Variants in CAMKMT observed in about 807,000 individuals in gnomAD.
CAMKMT encodes the protein calmodulin-lysine N-methyltransferase, also known as CaM KMT.
Under a neutral mutation model 48.0 loss-of-function variants are expected in CAMKMT, and 53 were observed. The observed-to-expected ratio is 1.10, with a 90% confidence interval of 0.89 to 1.39. The LOEUF (loss-of-function observed/expected upper bound fraction) is 1.39. Among genes scored for constraint, CAMKMT ranks in the 40% most tolerant of loss-of-function variants. The probability of loss-of-function intolerance (pLI) is 0.00; values close to 1 mark genes in which losing one functional copy is unlikely to be tolerated. For missense variants in CAMKMT, 428 were observed against 402.7 expected (o/e 1.06, Z -0.54); for synonymous variants, 165 against 152.3 (o/e 1.08, Z -0.61).
At chr2:44,509,516 G>A (rs1416763012) in intron 3 of CAMKMT, among the ~76,000 whole-genome samples, 1 of 152,030 alleles carries the variant, frequency 6.6e-6, no homozygotes, top group Non-Finnish European at 1.5e-5. Flanking sequence ...TCACCATGTT[G>A]CCCAGGCTGG....
At chr2:44,437,614 G>C (rs984271081) in intron 3 of CAMKMT, among the ~76,000 whole-genome samples, 2 of 152,136 alleles carry the variant, frequency 1.3e-5, no homozygotes, top group Non-Finnish European at 2.9e-5. Flanking sequence ...TTGGGAGGCT[G>C]AGGTGGTTGG....
intron 7 of CAMKMT, among the ~76,000 whole-genome samples, chr2:44,725,860 A>C (rs1027712492): frequency 6.7e-6 from 1 of 149,928 alleles, no homozygotes; most frequent in African/African-American, 2.4e-5. Flanking sequence ...TTCAACTTTT[A>C]TTTAAGATAC....
chr2:44,447,655 G>A (rs1667075665), intron 3 of CAMKMT, among the ~76,000 whole-genome samples: 1 of 152,254 alleles, frequency 6.6e-6, no homozygotes, highest in Middle Eastern at 3.2e-3. Context: ...AAAGGGCACA[G>A]TAACCCATGT....
At chr2:44,741,061 G>C (rs981315244) in intron 7 of CAMKMT, among the ~76,000 whole-genome samples, 4 of 152,214 alleles carry the variant, frequency 2.6e-5, no homozygotes, top group African/African-American at 9.6e-5. Context: ...AAGGAGATAA[G>C]TTCAGAAATT....
chr2:44,533,322 T>G (rs946297070), intron 3 of CAMKMT, among the ~76,000 whole-genome samples: 3 of 151,498 alleles, frequency 2.0e-5, no homozygotes, highest in Non-Finnish European at 4.4e-5. Flanking sequence ...CACTGCAACC[T>G]CTGCCTCCTT....
intron 3 of CAMKMT, among the ~76,000 whole-genome samples, chr2:44,473,663 A>T (rs1668535804): frequency 6.6e-6 from 1 of 152,218 alleles, no homozygotes; most frequent in Non-Finnish European, 1.5e-5. Flanking sequence ...AAAATATAAA[A>T]ACAATCCTCT....
intron 3 of CAMKMT, among the ~76,000 whole-genome samples, chr2:44,695,883 C>T (rs1676916533): frequency 6.6e-6 from 1 of 151,750 alleles, no homozygotes; most frequent in South Asian, 2.1e-4. Context: ...GAGGATTCAG[C>T]CAACCTCTGA....
rs191306187 is a variant in CAMKMT, at chr2:44,715,283, G to A, written c.557-4G>A. 3.5e-5 allele frequency: 56 copies of A among 1,607,478 alleles called. No homozygotes were observed. The highest frequency in any genetic ancestry group is 4.5e-5 in the East Asian group (2 of 44,646). On this transcript the variant is annotated splice_region_variant and splice_polypyrimidine_tract_variant and intron_variant, in intron 6 of 10. Transcript: ENST00000378494. ...GCAGATGTTTTCTTAACTGTGTCCTGTAGATGTGCAAGACATCATCACAAG... is the reference window on the plus strand; with the variant it reads ...GCAGATGTTTTCTTAACTGTGTCCTATAGATGTGCAAGACATCATCACAAG...
rs1670184451 is a variant in CAMKMT at position 44,590,378 on chromosome 2, G to T, written c.377-113905G>T. On this transcript the variant is annotated intron_variant, in intron 3 of 10. Coordinates refer to ENST00000378494, the MANE Select transcript of CAMKMT (RefSeq NM_024766.5). The stretch of plus-strand genomic sequence containing the variant: ...TTTGGTAGAATTCACCAGTAAGCCA[G>T]CTAGGCCTAGAATTTTCTTTGTGGG... Among the ~76,000 whole-genome samples the T allele has an allele frequency of 2.0e-5, 3 of 152,170 alleles. No individual in the cohort carries two copies. The South Asian group carries it at 6.2e-4, about 32-fold the overall frequency.
chr2:44,754,264 C>G (rs1680276235), intron 9 of CAMKMT, 146 bp downstream of exon 9: 3 of 631,078 alleles, frequency 4.8e-6, no homozygotes, highest in Non-Finnish European at 8.2e-6. Flanking sequence ...GTCTTCTGAT[C>G]TATTAGATTC....
rs557296740 is a variant in CAMKMT, at chr2:44,630,133, T to G, written c.377-74150T>G. Among the ~76,000 whole-genome samples, 3 of 151,788 alleles carry G rather than the reference T, an allele frequency of 2.0e-5. No individual in the cohort carries two copies. In the South Asian group the frequency reaches 6.3e-4, roughly 32 times the overall value. The stretch of plus-strand genomic sequence containing the variant: ...TGATCTTTGACAAACCTGAGAAAAA[T>G]AAGCAATGCGGAAAGGATTCCCTAT... On this transcript the variant is annotated intron_variant, in intron 3 of 10. Transcript: ENST00000378494.
At position 44,463,383 on chromosome 2, in the gene CAMKMT, A is replaced by G. The variant is rs1258449695; in HGVS notation, c.376+73078A>G. Among the ~76,000 whole-genome samples, 13 of 152,380 alleles carry G rather than the reference A, an allele frequency of 8.5e-5. No individual in the cohort carries two copies. The South Asian group carries it at 2.3e-3, about 27-fold the overall frequency. On this transcript the variant is annotated intron_variant, in intron 3 of 10. Transcript: ENST00000378494. ...TTCTATTGAAAGAGATAAGACAAGT[A>G]GTTCCATTTGAATGATGTCAGCCCC...
At chr2:44,362,473 C>T (rs1043541845) in intron 1 of CAMKMT, among the ~76,000 whole-genome samples, 1 of 151,516 alleles carries the variant, frequency 6.6e-6, no homozygotes, top group Admixed American at 6.5e-5. Flanking sequence ...CCGCTCCCCA[C>T]TGCTCTTTTC....
intron 3 of CAMKMT, among the ~76,000 whole-genome samples, chr2:44,592,222 T>A (rs1670334908): frequency 1.3e-5 from 2 of 150,984 alleles, no homozygotes; most frequent in Admixed American, 1.3e-4. Flanking sequence ...ATAATAATAA[T>A]AAATAAATAA....
chr2:44,699,796 G>A (rs976601573), intron 3 of CAMKMT, among the ~76,000 whole-genome samples: 1 of 152,094 alleles, frequency 6.6e-6, no homozygotes, highest in Non-Finnish European at 1.5e-5. Context: ...TCTTAAAGGC[G>A]CTATGATTTT....
chr2:44,622,914 T>A (rs1350203081), intron 3 of CAMKMT, among the ~76,000 whole-genome samples: 1 of 152,190 alleles, frequency 6.6e-6, no homozygotes, highest in Non-Finnish European at 1.5e-5. Flanking sequence ...ATCTCCAAAC[T>A]TCTGTCCATG....
At chr2:44,450,475 A>G (rs1162054581) in intron 3 of CAMKMT, among the ~76,000 whole-genome samples, 1 of 152,172 alleles carries the variant, frequency 6.6e-6, no homozygotes, top group Non-Finnish European at 1.5e-5. Context: ...TCATCAACAA[A>G]TACAAACCTT....
At chr2:44,628,486 G>A (rs1016147800) in intron 3 of CAMKMT, among the ~76,000 whole-genome samples, 23 of 150,842 alleles carry the variant, frequency 1.5e-4, no homozygotes, top group East Asian at 9.7e-4. Flanking sequence ...GGGGCTTAAC[G>A]TAAATTTTTC....
At chr2:44,746,944 A>T (rs573548304) in intron 8 of CAMKMT, among the ~76,000 whole-genome samples, 1 of 152,340 alleles carries the variant, frequency 6.6e-6, no homozygotes, top group South Asian at 2.1e-4. Flanking sequence ...GAACGCTTTC[A>T]TTCAGTGTTT....
Sources: gnomAD v4.1 joint callset for allele counts (sites outside exome capture counted in the v4.1 genomes callset) on GRCh38, gnomAD v4.1.1 for gene constraint, MANE v1.5 for transcripts, NCBI Gene and HGNC (gene_info 2026-07-23, HGNC 2026-07-21) for gene names.